PHACTR1: variants seen among roughly 807,000 people sequenced by gnomAD.
The protein encoded by PHACTR1 is RPEL repeat containing 1.
A neutral mutation model predicts 69.2 loss-of-function variants in PHACTR1; 16 were observed. That is an observed-to-expected ratio of 0.23 (90% CI 0.16 to 0.35). PHACTR1 has a LOEUF of 0.35. Among genes scored for constraint, PHACTR1 ranks in the 10% least tolerant of loss-of-function variants. The pLI, the probability that PHACTR1 is intolerant of heterozygous loss-of-function variation, is 1.00. For synonymous variants in PHACTR1, 312 were observed against 284.5 expected, an observed-to-expected ratio of 1.10 and a Z score of -0.97; for missense variants, 510 against 734.7, an observed-to-expected ratio of 0.69 and a Z score of 3.54.
At chr6:13,104,584 T>C (rs1815780675) in intron 5 of PHACTR1, among the ~76,000 whole-genome samples, 1 of 152,200 alleles carries the variant, frequency 6.6e-6, no homozygotes, top group African/African-American at 2.4e-5. Context: ...ATTTTGCAAA[T>C]AGATCAAGTT....
chr6:12,791,270 C>T (rs1772237919), intron 4 of PHACTR1, among the ~76,000 whole-genome samples: 1 of 152,154 alleles, frequency 6.6e-6, no homozygotes, highest in African/African-American at 2.4e-5. Context: ...TATTAACAAT[C>T]TCAACCTTCA....
At chr6:12,921,436 C>A (rs1165409811) in intron 4 of PHACTR1, among the ~76,000 whole-genome samples, 3 of 143,768 alleles carry the variant, frequency 2.1e-5, no homozygotes, top group Non-Finnish European at 4.5e-5. Flanking sequence ...GAAACACTGA[C>A]ATCCTACCCA....
intron 8 of PHACTR1, among the ~76,000 whole-genome samples, chr6:13,211,056 C>T (rs1387607779): frequency 1.3e-5 from 2 of 151,408 alleles, no homozygotes; most frequent in African/African-American, 2.4e-5. Flanking sequence ...TTCTTAAAGT[C>T]ATTAAAGAGT....
Position 13,012,766 on chromosome 6 carries a change from C to T in PHACTR1, c.251-40599C>T, listed in dbSNP as rs191722274. Among the ~76,000 whole-genome samples the T allele has an allele frequency of 1.5e-3, 235 of 152,220 alleles. 1 individual carries two copies. Among genetic ancestry groups the T allele is most frequent in the Middle Eastern group, 6.8e-3 (2 of 294 alleles). Reference sequence around the variant, plus strand: ...TCTCTAAAAGGTGATATCGGACTGGCGATATCTGAGTCTTGGGATTGTTGT... The same window carrying T: ...TCTCTAAAAGGTGATATCGGACTGGTGATATCTGAGTCTTGGGATTGTTGT... On this transcript the variant is annotated intron_variant, in intron 4 of 14. Transcript: ENST00000332995.
chr6:13,113,879 A>G (rs1415145789), intron 5 of PHACTR1, among the ~76,000 whole-genome samples: 1 of 152,228 alleles, frequency 6.6e-6, no homozygotes, highest in Non-Finnish European at 1.5e-5. Flanking sequence ...GGTTGTTAGA[A>G]ATATTGAAAG....
chr6:13,183,040 A>G (rs1219311573), intron 7 of PHACTR1, among the ~76,000 whole-genome samples: 1 of 152,206 alleles, frequency 6.6e-6, no homozygotes, highest in African/African-American at 2.4e-5. Flanking sequence ...TATGATACCT[A>G]TCTAATTCGT....
At chr6:12,804,260 C>T (rs1038879829) in intron 4 of PHACTR1, among the ~76,000 whole-genome samples, 4 of 152,194 alleles carry the variant, frequency 2.6e-5, no homozygotes, top group Admixed American at 6.5e-5. Flanking sequence ...TCAAAGAAAA[C>T]AACTCTGCCT....
At chr6:12,817,149 T>C (rs1775683661) in intron 4 of PHACTR1, among the ~76,000 whole-genome samples, 1 of 152,214 alleles carries the variant, frequency 6.6e-6, no homozygotes, top group Non-Finnish European at 1.5e-5. Flanking sequence ...AAGATGTTGA[T>C]CATTTATAAA....
At chr6:13,184,651 G>A (rs895026897) in intron 7 of PHACTR1, 3 of 456,136 alleles carry the variant, frequency 6.6e-6, no homozygotes, top group South Asian at 3.8e-5. Context: ...TGGCCTCCTC[G>A]CTGTAGCTCT....
intron 10 of PHACTR1, among the ~76,000 whole-genome samples, chr6:13,271,205 C>T (rs891234711): frequency 1.8e-4 from 27 of 152,070 alleles, no homozygotes; most frequent in African/African-American, 6.3e-4. Flanking sequence ...GACGGGGTTT[C>T]GCCACAAAGT....
At chr6:13,164,717 G>A (rs985590209) in intron 6 of PHACTR1, among the ~76,000 whole-genome samples, 2 of 152,158 alleles carry the variant, frequency 1.3e-5, no homozygotes, top group Non-Finnish European at 2.9e-5. Flanking sequence ...TTTGAGAGTC[G>A]TAATTATTTG....
intron 3 of PHACTR1, chr6:12,749,443 T>C (rs1400913853): frequency 3.1e-6 from 2 of 637,576 alleles, no homozygotes; most frequent in East Asian, 6.6e-5. Flanking sequence ...TTCTCTCCCT[T>C]CACCCCTTTC....
At chr6:12,820,455 C>T (rs1376127968) in intron 4 of PHACTR1, among the ~76,000 whole-genome samples, 1 of 152,226 alleles carries the variant, frequency 6.6e-6, no homozygotes, top group Non-Finnish European at 1.5e-5. Context: ...GCTAGGATTA[C>T]AGGTGTGAGC....
At chr6:13,217,533 C>T (rs963936943) in intron 8 of PHACTR1, among the ~76,000 whole-genome samples, 16 of 152,062 alleles carry the variant, frequency 1.1e-4, no homozygotes, top group African/African-American at 3.4e-4. Context: ...CATCCCAATC[C>T]CAGATAATAT....
intron 7 of PHACTR1, among the ~76,000 whole-genome samples, chr6:13,191,394 G>A (rs1342838807): frequency 6.6e-6 from 1 of 152,148 alleles, no homozygotes; most frequent in Admixed American, 6.5e-5. Flanking sequence ...CACCACACAG[G>A]GCACATGGGG....
chr6:12,973,532 G>A (rs1444748580), intron 4 of PHACTR1, among the ~76,000 whole-genome samples: 2 of 152,182 alleles, frequency 1.3e-5, no homozygotes, highest in East Asian at 3.8e-4. Context: ...TGTTTACATT[G>A]CATTATAAAC....
chr6:12,797,462 C>T (rs1049012926), intron 4 of PHACTR1, among the ~76,000 whole-genome samples: 3 of 152,168 alleles, frequency 2.0e-5, no homozygotes, highest in Non-Finnish European at 2.9e-5. Context: ...GGTAACTCAT[C>T]GGTTACTTCT....
intron 4 of PHACTR1, among the ~76,000 whole-genome samples, chr6:12,985,301 A>C (rs1254452419): frequency 1.3e-5 from 2 of 152,074 alleles, no homozygotes; most frequent in South Asian, 4.1e-4. Context: ...ACTCCAATTG[A>C]GAAATTAACC....
chr6:12,864,723 G>A (rs527777272), intron 4 of PHACTR1, among the ~76,000 whole-genome samples: 6 of 151,440 alleles, frequency 4.0e-5, no homozygotes, highest in Admixed American at 2.6e-4. Context: ...CACCCCCACA[G>A]TCTTAAATTC....
Sources: allele counts gnomAD v4.1 joint callset (sites outside exome capture counted in the v4.1 genomes callset), GRCh38; gene constraint gnomAD v4.1.1; transcripts MANE v1.5; gene names NCBI Gene and HGNC (gene_info 2026-07-23, HGNC 2026-07-21).